Variants in SND1 observed in about 807,000 individuals in gnomAD.
SND1 encodes staphylococcal nuclease domain-containing protein 1.
SND1 carries 38 observed loss-of-function variants against 121.7 expected under a neutral mutation model. That is an observed-to-expected ratio of 0.31 (90% CI 0.24 to 0.41). SND1 has a LOEUF of 0.41. Ranked by LOEUF, SND1 falls within the 10% of genes least tolerant of loss-of-function variation. The probability of loss-of-function intolerance (pLI) is 1.00; values close to 1 mark genes in which losing one functional copy is unlikely to be tolerated. For synonymous variants in SND1, 401 were observed against 447.4 expected (o/e 0.90, Z 1.31); for missense variants, 868 against 1,184.6 (o/e 0.73, Z 3.92).
intron 10 of SND1, among the ~76,000 whole-genome samples, chr7:127,740,971 G>C (rs1209499854): frequency 6.6e-6 from 1 of 152,176 alleles, no homozygotes; most frequent in Non-Finnish European, 1.5e-5. Context: ...CCATAATAAA[G>C]ATGTCATAGC....
At chr7:128,003,483 G>A (rs1267063818) in intron 16 of SND1, among the ~76,000 whole-genome samples, 3 of 152,164 alleles carry the variant, frequency 2.0e-5, no homozygotes, top group Non-Finnish European at 4.4e-5. Context: ...GGCATTGGGT[G>A]TACAGCTAGA....
chr7:127,840,091 C>G (rs1391881093), intron 11 of SND1, among the ~76,000 whole-genome samples: 2 of 152,170 alleles, frequency 1.3e-5, no homozygotes, highest in African/African-American at 4.8e-5. Flanking sequence ...CCTTACAGGC[C>G]CATGCCAGCT....
intron 13 of SND1, among the ~76,000 whole-genome samples, chr7:127,891,519 G>A (rs779514417): frequency 2.0e-5 from 3 of 151,902 alleles, no homozygotes; most frequent in Non-Finnish European, 4.4e-5. Flanking sequence ...TATCTGGCCA[G>A]GTATTGAATA....
At chr7:127,750,702 A>G (rs1033563047) in intron 10 of SND1, among the ~76,000 whole-genome samples, 1 of 152,120 alleles carries the variant, frequency 6.6e-6, no homozygotes, top group African/African-American at 2.4e-5. Context: ...TGTCATGTCG[A>G]TGCCCAAACG....
At chr7:127,971,765 GAATT>G (rs1311474140) in intron 15 of SND1, among the ~76,000 whole-genome samples, 1 of 151,274 alleles carries the variant, frequency 6.6e-6, no homozygotes, top group Non-Finnish European at 1.5e-5. Flanking sequence ...ACAGCTTGCT[GAATT>G]AATTTTTTTT....
rs748594412 is a variant in SND1 at position 127,990,969 on chromosome 7, C to T, written c.1692C>T (p.Ala564=). Residue 564 remains alanine, a synonymous_variant, in exon 16 of 24, where the codon GCC becomes GCT. Coordinates refer to ENST00000354725, the MANE Select transcript of SND1 (RefSeq NM_014390.4). ...CAGGCATTGAATGCCCCAGAGGAGC[C>T]CGAAACCTCCCAGGCTTGGTGCAGG... ...LLAGIECPRG[A]RNLPGLVQEG... 1 of 1,613,768 alleles carries T rather than the reference C, an allele frequency of 6.2e-7. No individual in the cohort carries two copies. Among genetic ancestry groups the T allele is most frequent in the Non-Finnish European group, 8.5e-7 (1 of 1,179,924 alleles).
At position 127,702,521 on chromosome 7, in the gene SND1, A is replaced by G; in HGVS notation, c.676A>G (p.Ile226Val). 6.2e-7 allele frequency: 1 copy of G among 1,613,934 alleles called. No homozygotes were observed. ...YYLVTVMLSG[I>V]KCPTFRREAD... is the part of the protein sequence containing the mutation. Reference sequence around the variant, plus strand: ...CCTGGTTACAGTCATGCTGTCAGGCATCAAGGTCAGACCATACTCTTGGCT... The same window carrying G: ...CCTGGTTACAGTCATGCTGTCAGGCGTCAAGGTCAGACCATACTCTTGGCT... Residue 226 changes from isoleucine to valine, a missense_variant, in exon 6 of 24, where the codon ATC (isoleucine) becomes GTC (valine). Physicochemically the swap from Ile to Val is conservative, Grantham distance 29. Around this residue, in one of 2 missense-constraint regions of SND1, gnomAD observed 743 missense variants for 1,071.3 expected, o/e 0.69. Coordinates refer to ENST00000354725, the MANE Select transcript of SND1 (RefSeq NM_014390.4).
intron 1 of SND1, among the ~76,000 whole-genome samples, chr7:127,661,949 C>G (rs1233198713): frequency 6.6e-6 from 1 of 151,278 alleles, no homozygotes; most frequent in African/African-American, 2.4e-5. Context: ...AACCCCATCT[C>G]TACTAAAAAT....
chr7:127,769,054 C>T (rs534215774), intron 10 of SND1, among the ~76,000 whole-genome samples: 18 of 152,302 alleles, frequency 1.2e-4, no homozygotes, highest in Non-Finnish European at 2.2e-4. Context: ...GTCTTCATGG[C>T]ATCTCTGGAG....
At chr7:127,953,629 G>A (rs560491527) in intron 15 of SND1, among the ~76,000 whole-genome samples, 1 of 152,238 alleles carries the variant, frequency 6.6e-6, no homozygotes, top group African/African-American at 2.4e-5. Flanking sequence ...TTGTCATAAT[G>A]ACACTAATTG....
chr7:127,955,635 C>T (rs1801574620), intron 15 of SND1, among the ~76,000 whole-genome samples: 1 of 152,068 alleles, frequency 6.6e-6, no homozygotes, highest in African/African-American at 2.4e-5. Flanking sequence ...TCAACCTGCC[C>T]CCCAGTCCCC....
intron 12 of SND1, chr7:127,858,348 G>A: frequency 7.4e-7 from 1 of 1,346,670 alleles, no homozygotes; most frequent in South Asian, 1.2e-5. Flanking sequence ...GCCCCCAGAT[G>A]CCTCAGTGCC....
At chr7:127,700,068 CT>C (rs1796075422) in intron 4 of SND1, among the ~76,000 whole-genome samples, 1 of 152,098 alleles carries the variant, frequency 6.6e-6, no homozygotes, top group South Asian at 2.1e-4. Flanking sequence ...AAATTTGTAT[CT>C]TAAGGACAAT....
chr7:128,050,147 G>A (rs1160471944), intron 16 of SND1, among the ~76,000 whole-genome samples: 2 of 152,148 alleles, frequency 1.3e-5, no homozygotes, highest in African/African-American at 4.8e-5. Context: ...ACAAGATATG[G>A]AGCACTTAAT....
intron 16 of SND1, among the ~76,000 whole-genome samples, chr7:128,022,078 C>T (rs1439152432): frequency 2.6e-5 from 4 of 151,772 alleles, no homozygotes. Flanking sequence ...GTGGTGCGCA[C>T]CTGTAATCCC....
chr7:127,778,345 G>A (rs796114530), intron 10 of SND1, among the ~76,000 whole-genome samples: 17 of 152,136 alleles, frequency 1.1e-4, no homozygotes, highest in African/African-American at 3.1e-4. Context: ...CTACAGGCGC[G>A]TGCCACCACG....
chr7:127,720,262 A>T (rs929828941), intron 9 of SND1, among the ~76,000 whole-genome samples: 2 of 152,170 alleles, frequency 1.3e-5, no homozygotes, highest in Non-Finnish European at 2.9e-5. Context: ...GTGGCAGCTG[A>T]CCCTGTAAGT....
At chr7:127,746,094 A>G (rs1228730155) in intron 10 of SND1, among the ~76,000 whole-genome samples, 1 of 152,248 alleles carries the variant, frequency 6.6e-6, no homozygotes, top group East Asian at 1.9e-4. Flanking sequence ...GGACACACAC[A>G]GATGTGACTT....
At chr7:128,009,492 G>A (rs1462957044) in intron 16 of SND1, among the ~76,000 whole-genome samples, 1 of 152,310 alleles carries the variant, frequency 6.6e-6, no homozygotes, top group East Asian at 1.9e-4. Flanking sequence ...TTTCTATGTT[G>A]GTGGAAATGT....
Sources: allele counts gnomAD v4.1 joint callset (sites outside exome capture counted in the v4.1 genomes callset), GRCh38; gene constraint gnomAD v4.1.1; regional missense constraint gnomAD v4.1.1; transcripts MANE v1.5; gene names NCBI Gene and HGNC (gene_info 2026-07-23, HGNC 2026-07-21).